Variants in ACOT7 observed in about 807,000 individuals in gnomAD.
The protein encoded by ACOT7 is acyl-CoA thioesterase 7, also known as cytosolic acyl coenzyme A thioester hydrolase.
A neutral mutation model predicts 40.2 loss-of-function variants in ACOT7; 12 were observed. The ratio of observed to expected loss-of-function variants is 0.30; its 90% CI spans 0.19 to 0.48. The LOEUF is 0.48. Ranked by LOEUF, ACOT7 falls within the 20% of genes least tolerant of loss-of-function variation. The pLI is 0.99. For missense variants in ACOT7, 395 were observed against 530.8 expected, an observed-to-expected ratio of 0.74 and a Z score of 2.51; for synonymous variants, 228 against 219.5, an observed-to-expected ratio of 1.04 and a Z score of -0.34.
rs558007507 is a variant in ACOT7, at chr1:6,388,781, G to A, written c.143+4476C>T. Among the ~76,000 whole-genome samples, 54 of 145,222 alleles carry A rather than the reference G, an allele frequency of 3.7e-4. No homozygotes were observed. The South Asian group carries it at 9.9e-3, about 27-fold the overall frequency. ...AGGCCGGGTGCGGTGGCTCACGCCCGTAATCCCAGCACTTTGGGAGGCCAA... is the reference window on the plus strand; with the variant it reads ...AGGCCGGGTGCGGTGGCTCACGCCCATAATCCCAGCACTTTGGGAGGCCAA... On this transcript the variant is annotated intron_variant, in intron 1 of 8. Coordinates refer to ENST00000361521, the MANE Select transcript of ACOT7 (RefSeq NM_007274.4).
At chr1:6,385,722 C>A in intron 1 of ACOT7, 2 of 1,562,598 alleles carry the variant, frequency 1.3e-6, no homozygotes, top group South Asian at 1.2e-5. Context: ...CCCAGCAGAG[C>A]CCAAGCCTGT....
intron 6 of ACOT7, among the ~76,000 whole-genome samples, chr1:6,314,060 C>T (rs970909359): frequency 3.3e-5 from 5 of 152,170 alleles, no homozygotes; most frequent in African/African-American, 9.7e-5. Flanking sequence ...GGACTGAAGG[C>T]GGACCCCTCT....
chr1:6,334,382 C>G (rs1641043529), intron 3 of ACOT7, among the ~76,000 whole-genome samples: 1 of 152,358 alleles, frequency 6.6e-6, no homozygotes, highest in Admixed American at 6.5e-5. Flanking sequence ...TTGGCCCATA[C>G]AGACGTGCAG....
Position 6,333,474 on chromosome 1 carries a change from T to G in ACOT7, c.510+3A>C, listed in dbSNP as rs1349472620. ...CAAGAGAGAAGTAGAAAGGGCACCT[T>G]ACCACAACAGGAGGCACCTCGAGGA... On this transcript the variant is annotated splice_donor_region_variant and intron_variant, in intron 4 of 8. Transcript: ENST00000361521. The G allele has an allele frequency of 6.2e-7, 1 of 1,614,014 alleles. No individual in the cohort carries two copies. The highest frequency in any genetic ancestry group is 8.5e-7 in the Non-Finnish European group (1 of 1,180,002).
At chr1:6,339,657 T>A (rs1434461744) in intron 2 of ACOT7, 68 bp from the exon 3 acceptor site, 1 of 1,563,836 alleles carries the variant, frequency 6.4e-7, no homozygotes, top group East Asian at 2.3e-5. Context: ...ACCCAGGACA[T>A]GCCCCCTGGA....
chr1:6,288,021 C>T lies in ACOT7; in HGVS notation c.830-6735G>A, dbSNP rs529898719. Among the ~76,000 whole-genome samples the T allele has an allele frequency of 1.3e-4, 20 of 152,174 alleles. No homozygotes were observed. Among genetic ancestry groups the T allele is most frequent in the South Asian group, 4.1e-4 (2 of 4,822 alleles). ...TCCAAAACTATTACACTGAAGGCAA[C>T]GATATAACTTTTTCACACCAGCTAC... On this transcript the variant is annotated intron_variant, in intron 7 of 8. Transcript: ENST00000361521. This position sits in a 1 kb window ranked among gnomAD's most constrained non-coding sequence, Gnocchi z 4.3.
intron 1 of ACOT7, among the ~76,000 whole-genome samples, chr1:6,388,667 G>A (rs1476789738): frequency 6.7e-6 from 1 of 149,532 alleles, no homozygotes; most frequent in African/African-American, 2.5e-5. Flanking sequence ...TTGAACTGGG[G>A]AGGCAGAGGC....
chr1:6,326,355 T>C (rs1158706607), intron 5 of ACOT7, among the ~76,000 whole-genome samples: 1 of 152,184 alleles, frequency 6.6e-6, no homozygotes, highest in Non-Finnish European at 1.5e-5. Flanking sequence ...GTTCTCTGGG[T>C]AGAAAGTCCT....
intron 6 of ACOT7, among the ~76,000 whole-genome samples, chr1:6,300,187 G>A (rs1639927793): frequency 6.6e-6 from 1 of 152,140 alleles, no homozygotes; most frequent in Admixed American, 6.5e-5. Flanking sequence ...GGTCCTCCTA[G>A]GAACAAATGA....
At position 6,289,654 on chromosome 1, in the gene ACOT7, G is replaced by T. The variant is rs183464734; in HGVS notation, c.829+5210C>A. ...CTCACAAAGTGTTGGAATTACAAGCGTGAGCCACTGTGACCAGCCTGCTTT... is the reference window on the plus strand; with the variant it reads ...CTCACAAAGTGTTGGAATTACAAGCTTGAGCCACTGTGACCAGCCTGCTTT... On this transcript the variant is annotated intron_variant, in intron 7 of 8. Transcript: ENST00000361521. The surrounding 1 kb of genome is among the most constrained non-coding windows in gnomAD (Gnocchi z 4.6). 6.6e-6 allele frequency among the ~76,000 whole-genome samples: 1 copy of T among 152,040 alleles called. No homozygotes were observed. Among genetic ancestry groups the T allele is most frequent in the East Asian group, 1.9e-4 (1 of 5,186 alleles).
In ACOT7 at chr1:6,352,603, T is replaced by A. The variant is rs1440242050; in HGVS notation, c.144-2737A>T. ...CTTCGTTTTCCCATTTCTTTTTTTT[T>A]TTTTTTGAGACGGCGTCTCGCTCTG... is the stretch of plus-strand genomic sequence containing the variant. On this transcript the variant is annotated intron_variant, in intron 1 of 8. Transcript: ENST00000361521. This position sits in a 1 kb window ranked among gnomAD's most constrained non-coding sequence, Gnocchi z 4.5. Among the ~76,000 whole-genome samples, 5 of 151,832 alleles carry A rather than the reference T, an allele frequency of 3.3e-5. No homozygotes were observed. The highest frequency in any genetic ancestry group is 7.4e-5 in the Non-Finnish European group (5 of 67,850).
rs1288755676 is a variant in ACOT7, at chr1:6,311,057, A to G, written c.712+7435T>C. Among the ~76,000 whole-genome samples the G allele has an allele frequency of 2.0e-5, 3 of 152,168 alleles. No homozygotes were observed. The highest frequency in any genetic ancestry group is 1.3e-4 in the Admixed American group (2 of 15,272). ...TCAGCCGGAATCTGCACTTTTAACAAGCACAAAGATGGTTTCTAAGGCTCA... is the reference window on the plus strand; with the variant it reads ...TCAGCCGGAATCTGCACTTTTAACAGGCACAAAGATGGTTTCTAAGGCTCA... On this transcript the variant is annotated intron_variant, in intron 6 of 8. Coordinates refer to ENST00000361521, the MANE Select transcript of ACOT7 (RefSeq NM_007274.4). The surrounding 1 kb of genome is among the most constrained non-coding windows in gnomAD (Gnocchi z 5.2).
At position 6,318,574 on chromosome 1, in the gene ACOT7, C is replaced by A. The variant is rs781013284; in HGVS notation, c.630G>T (p.Pro210=). 6.2e-7 allele frequency: 1 copy of A among 1,613,902 alleles called. No individual in the cohort carries two copies. The highest frequency in any genetic ancestry group is 1.1e-5 in the South Asian group (1 of 91,022). The change falls in exon 6 of 9, where the codon CCG becomes CCT. Residue 210 remains proline, a synonymous_variant. Coordinates refer to ENST00000361521, the MANE Select transcript of ACOT7 (RefSeq NM_007274.4). ...DIVQPVLNPE[P]NTVSYSQSSL... is the part of the protein sequence containing the mutation. ...TGGACTGGCTGTAGCTGACAGTGTTCGGCTCTGGAATTGCAAAAGAGAGAG... is the reference window on the plus strand; with the variant it reads ...TGGACTGGCTGTAGCTGACAGTGTTAGGCTCTGGAATTGCAAAAGAGAGAG...
intron 6 of ACOT7, among the ~76,000 whole-genome samples, chr1:6,305,674 G>A (rs934465499): frequency 2.6e-5 from 4 of 151,374 alleles, no homozygotes; most frequent in African/African-American, 9.7e-5. Flanking sequence ...ATGGGATGGC[G>A]GCCGGGCAGA....
intron 8 of ACOT7, among the ~76,000 whole-genome samples, chr1:6,268,789 C>T (rs985058301): frequency 2.1e-4 from 32 of 152,244 alleles, no homozygotes; most frequent in Non-Finnish European, 3.5e-4. Flanking sequence ...GCGGAGCCCT[C>T]GAGTCCCCTA....
At chr1:6,380,586 C>CAA (rs58196406) in intron 1 of ACOT7, among the ~76,000 whole-genome samples, 8 of 85,300 alleles carry the variant, frequency 9.4e-5, no homozygotes, top group South Asian at 4.3e-4. Flanking sequence ...AAGACCGTCT[C>CAA]AAAAAAAAAA....
Position 6,359,992 on chromosome 1 carries a change from C to T in ACOT7, c.144-10126G>A, listed in dbSNP as rs1641851969. Among the ~76,000 whole-genome samples, 3 of 152,222 alleles carry T rather than the reference C, an allele frequency of 2.0e-5. No homozygotes were observed. Among genetic ancestry groups the T allele is most frequent in the Admixed American group, 2.0e-4 (3 of 15,288 alleles). On this transcript the variant is annotated intron_variant, in intron 1 of 8. Coordinates refer to ENST00000361521, the MANE Select transcript of ACOT7 (RefSeq NM_007274.4). The surrounding 1 kb of genome is among the most constrained non-coding windows in gnomAD (Gnocchi z 4.1). ...GCCTGGGCTTATTCTATCTAACCAG[C>T]TGGCAGGCACTGAGCCTGGGAAGTC...
chr1:6,305,518 G>A (rs1239404731), intron 6 of ACOT7, among the ~76,000 whole-genome samples: 429 of 131,894 alleles, frequency 3.3e-3, no homozygotes, highest in East Asian at 6.8e-3. Context: ...CAGACGGGGC[G>A]GTTGCCAGGC....
chr1:6,370,550 T>G (rs1368235054), intron 1 of ACOT7, among the ~76,000 whole-genome samples: 1 of 150,780 alleles, frequency 6.6e-6, no homozygotes, highest in East Asian at 1.9e-4. Flanking sequence ...AGTGCAGTGG[T>G]GCGATCTCAG....
Sources: gnomAD v4.1 joint callset for allele counts (sites outside exome capture counted in the v4.1 genomes callset) on GRCh38, gnomAD v4.1.1 for gene constraint, Gnocchi (gnomAD v3.1) non-coding constraint, MANE v1.5 for transcripts, NCBI Gene and HGNC (gene_info 2026-07-23, HGNC 2026-07-21) for gene names.